The following SEZ6L variants were observed in gnomAD, a reference collection of about 807,000 sequenced individuals.
SEZ6L encodes the protein seizure related 6 homolog like, also known as seizure 6-like protein.
In SEZ6L, 37 loss-of-function variants were observed where a neutral mutation model predicts 106.2. The ratio of observed to expected loss-of-function variants is 0.35; its 90% CI spans 0.27 to 0.46. The LOEUF is 0.46. Ranked by LOEUF, SEZ6L falls within the 20% of genes least tolerant of loss-of-function variation. The probability of loss-of-function intolerance (pLI) is 1.00; values close to 1 mark genes in which losing one functional copy is unlikely to be tolerated. For missense variants in SEZ6L, 1,172 were observed against 1,332.8 expected, an observed-to-expected ratio of 0.88 and a Z score of 1.88; for synonymous variants, 541 against 570.4, an observed-to-expected ratio of 0.95 and a Z score of 0.73.
intron 9 of SEZ6L, among the ~76,000 whole-genome samples, chr22:26,320,001 T>C (rs1351492387): frequency 6.6e-6 from 1 of 152,198 alleles, no homozygotes; most frequent in Non-Finnish European, 1.5e-5. Context: ...ATGGCCTCCA[T>C]TTTTTAGTAA....
chr22:26,304,584 T>G (rs927367637), intron 5 of SEZ6L, among the ~76,000 whole-genome samples: 4 of 152,128 alleles, frequency 2.6e-5, no homozygotes, highest in African/African-American at 9.7e-5. Flanking sequence ...ACAAATCACT[T>G]TTTAATATTT....
chr22:26,319,853 G>A (rs1017740704), intron 9 of SEZ6L, among the ~76,000 whole-genome samples: 1 of 152,228 alleles, frequency 6.6e-6, no homozygotes, highest in Non-Finnish European at 1.5e-5. Context: ...AGGCAAGGAA[G>A]TAAATGTAGC....
intron 1 of SEZ6L, among the ~76,000 whole-genome samples, chr22:26,220,202 A>G (rs1057110902): frequency 2.6e-5 from 4 of 152,218 alleles, no homozygotes; most frequent in African/African-American, 9.7e-5. Flanking sequence ...CATATCTGCA[A>G]AATGGACATC....
intron 9 of SEZ6L, among the ~76,000 whole-genome samples, chr22:26,327,343 CCACACA>C (rs1287741656): frequency 3.7e-5 from 4 of 108,670 alleles, no homozygotes; most frequent in African/African-American, 1.5e-4. Context: ...CACACACACA[CCACACA>C]CATGCCACAC....
rs374380587 is a variant in SEZ6L at position 26,292,956 on chromosome 22, C to A, written c.645C>A (p.Leu215=). 2 of 1,613,760 alleles carry A rather than the reference C, an allele frequency of 1.2e-6. No homozygotes were observed. Among genetic ancestry groups the A allele is most frequent in the Non-Finnish European group, 8.5e-7 (1 of 1,179,896 alleles). The part of the protein sequence containing the change: ...FTSQPYVAHT[L]PQRPEPGEPG... ...CGCAGCCCTATGTGGCCCACACACT[C>A]CCCCAGAGGCCAGAACCCGGGGAGC... The change falls in exon 2 of 17, where the codon CTC becomes CTA. Residue 215 remains leucine, a synonymous_variant. Coordinates refer to ENST00000248933, the MANE Select transcript of SEZ6L (RefSeq NM_021115.5).
chr22:26,192,032 CT>C (rs775107762), intron 1 of SEZ6L, among the ~76,000 whole-genome samples: 1 of 151,910 alleles, frequency 6.6e-6, no homozygotes, highest in Admixed American at 6.6e-5. Context: ...TCATTCTCCC[CT>C]GTCCATCCAT....
At chr22:26,189,233 A>G (rs1940010450) in intron 1 of SEZ6L, among the ~76,000 whole-genome samples, 1 of 152,206 alleles carries the variant, frequency 6.6e-6, no homozygotes, top group Admixed American at 6.5e-5. Flanking sequence ...TATTGCCACC[A>G]TTTCACAGAT....
Position 26,298,657 on chromosome 22 carries a change from G to T in SEZ6L, c.1163-327G>T, listed in dbSNP as rs1451768796. ...GGGACTAAACTTCCTGGGTGGTCTT[G>T]CCCCTCCCAGTCCCAGAGAGAAGGC... is the stretch of plus-strand genomic sequence containing the variant. On this transcript the variant is annotated intron_variant, in intron 4 of 16. Coordinates refer to ENST00000248933, the MANE Select transcript of SEZ6L (RefSeq NM_021115.5). 2.0e-5 allele frequency among the ~76,000 whole-genome samples: 3 copies of T among 152,202 alleles called. No homozygotes were observed. In the East Asian group the frequency reaches 5.8e-4, roughly 29 times the overall value.
At chr22:26,218,041 G>A (rs181068405) in intron 1 of SEZ6L, among the ~76,000 whole-genome samples, 31 of 152,304 alleles carry the variant, frequency 2.0e-4, no homozygotes, top group East Asian at 7.7e-4. Flanking sequence ...ACTTCCTGCC[G>A]TTGATAAACA....
rs142170342 is a variant in SEZ6L at position 26,183,989 on chromosome 22, G to T, written c.94+14226G>T. Among the ~76,000 whole-genome samples the T allele has an allele frequency of 8.5e-4, 129 of 152,282 alleles. 1 individual carries two copies. The highest frequency in any genetic ancestry group is 2.9e-3 in the African/African-American group (121 of 41,560). ...TGTCAAAAACAACTCCGAGGACCTA[G>T]TACTATGGAAAATTACTTCTGTTTT... On this transcript the variant is annotated intron_variant, in intron 1 of 16. Transcript: ENST00000248933.
chr22:26,179,610 G>C (rs1939252218), intron 1 of SEZ6L, among the ~76,000 whole-genome samples: 2 of 152,166 alleles, frequency 1.3e-5, no homozygotes, highest in African/African-American at 2.4e-5. Flanking sequence ...AAGCCAAAAA[G>C]GGTCTAAGGC....
intron 1 of SEZ6L, among the ~76,000 whole-genome samples, chr22:26,239,569 T>G (rs1360193607): frequency 6.6e-6 from 1 of 152,112 alleles, no homozygotes; most frequent in South Asian, 2.1e-4. Context: ...CAAAGTTCTT[T>G]CCCTCAGCCT....
intron 1 of SEZ6L, among the ~76,000 whole-genome samples, chr22:26,258,811 G>T (rs894941953): frequency 6.6e-6 from 1 of 152,326 alleles, no homozygotes; most frequent in East Asian, 1.9e-4. Flanking sequence ...GACTTGAAGG[G>T]CCTTATACAC....
At chr22:26,237,330 T>C (rs986305242) in intron 1 of SEZ6L, among the ~76,000 whole-genome samples, 1 of 152,218 alleles carries the variant, frequency 6.6e-6, no homozygotes, top group African/African-American at 2.4e-5. Flanking sequence ...GTCTTTTGCC[T>C]ATTCTCAGGT....
intron 9 of SEZ6L, among the ~76,000 whole-genome samples, chr22:26,322,516 G>T (rs142969001): frequency 2.2e-4 from 33 of 152,326 alleles, no homozygotes; most frequent in African/African-American, 7.2e-4. Flanking sequence ...AGGGGAACTA[G>T]ATTTATCTCC....
At chr22:26,239,842 A>T (rs1223187038) in intron 1 of SEZ6L, among the ~76,000 whole-genome samples, 1 of 152,050 alleles carries the variant, frequency 6.6e-6, no homozygotes, top group Non-Finnish European at 1.5e-5. Context: ...TGCAGGCCCA[A>T]GCACAAAGCC....
chr22:26,200,236 A>G (rs2145676296), intron 1 of SEZ6L, among the ~76,000 whole-genome samples: 1 of 151,788 alleles, frequency 6.6e-6, no homozygotes, highest in East Asian at 1.9e-4. Flanking sequence ...TGGTGTGTGT[A>G]TATGTTTGTG....
At chr22:26,228,980 AT>A (rs2078717524) in intron 1 of SEZ6L, among the ~76,000 whole-genome samples, 1 of 152,182 alleles carries the variant, frequency 6.6e-6, no homozygotes, top group African/African-American at 2.4e-5. Flanking sequence ...GGATGTATGT[AT>A]GTCAAATTGT....
chr22:26,340,677 T>TA (rs2082801445), intron 10 of SEZ6L, 45 bp downstream of exon 10: 1 of 1,541,016 alleles, frequency 6.5e-7, no homozygotes, highest in South Asian at 1.2e-5. Context: ...TGTGTTTAGA[T>TA]ACAGGTTAAG....
Sources: gnomAD v4.1 joint callset for allele counts (sites outside exome capture counted in the v4.1 genomes callset) on GRCh38, gnomAD v4.1.1 for gene constraint, MANE v1.5 for transcripts, NCBI Gene and HGNC (gene_info 2026-07-23, HGNC 2026-07-21) for gene names.